ATP9A: variants seen among roughly 807,000 people sequenced by gnomAD.
ATP9A encodes ATPase phospholipid transporting 9A, also known as probable phospholipid-transporting ATPase IIA.
ATP9A carries 52 observed loss-of-function variants against 144.1 expected under a neutral mutation model. The ratio of observed to expected loss-of-function variants is 0.36; its 90% CI spans 0.29 to 0.45. The LOEUF is 0.45. Among genes scored for constraint, ATP9A ranks in the 20% least tolerant of loss-of-function variants. ATP9A has a pLI of 1.00. For missense variants in ATP9A, 947 were observed against 1,392.7 expected, an observed-to-expected ratio of 0.68 and a Z score of 5.09; for synonymous variants, 582 against 557.4, an observed-to-expected ratio of 1.04 and a Z score of -0.62.
At chr20:51,753,110 AAAAG>A (rs767347937) in intron 1 of ATP9A, among the ~76,000 whole-genome samples, 164 of 152,236 alleles carry the variant, frequency 1.1e-3, no homozygotes, top group African/African-American at 3.5e-3. Context: ...CTCAAAAAAA[AAAAG>A]AAAGAAAGAA....
intron 4 of ATP9A, among the ~76,000 whole-genome samples, chr20:51,709,124 TAAGTA>T (rs2077626781): frequency 6.6e-6 from 1 of 152,220 alleles, no homozygotes; most frequent in Non-Finnish European, 1.5e-5. Context: ...ATTAAGCACT[TAAGTA>T]TTTAGGCACA....
intron 1 of ATP9A, among the ~76,000 whole-genome samples, chr20:51,730,235 G>A (rs949209784): frequency 1.3e-5 from 2 of 152,140 alleles, no homozygotes; most frequent in Non-Finnish European, 2.9e-5. Context: ...TTGGGAGGCC[G>A]AGGTGGGCAG....
intron 1 of ATP9A, among the ~76,000 whole-genome samples, chr20:51,740,181 C>T (rs903886929): frequency 2.0e-5 from 3 of 151,872 alleles, no homozygotes; most frequent in African/African-American, 7.3e-5. Flanking sequence ...CTCAGCCTCC[C>T]GAGTAGCTGG....
At chr20:51,745,231 C>T (rs568793394) in intron 1 of ATP9A, among the ~76,000 whole-genome samples, 25 of 149,056 alleles carry the variant, frequency 1.7e-4, no homozygotes, top group Admixed American at 2.7e-4. Context: ...CATGCCACTG[C>T]ACTCCAGCCT....
chr20:51,767,611 G>C (rs530413495), intron 1 of ATP9A, among the ~76,000 whole-genome samples: 84 of 152,368 alleles, frequency 5.5e-4, no homozygotes, highest in African/African-American at 1.9e-3. Flanking sequence ...GAAGGGCACA[G>C]CAGGTGGCAG....
At chr20:51,759,470 C>T (rs2077870052) in intron 1 of ATP9A, among the ~76,000 whole-genome samples, 1 of 152,264 alleles carries the variant, frequency 6.6e-6, no homozygotes, top group East Asian at 1.9e-4. Flanking sequence ...GTCAGGAGTT[C>T]GAAACCAGCA....
chr20:51,638,074 T>TATATAC (rs2077301281), intron 15 of ATP9A, among the ~76,000 whole-genome samples: 1 of 10,170 alleles, frequency 9.8e-5, no homozygotes, highest in Non-Finnish European at 2.0e-4. Flanking sequence ...CATCATTTTA[T>TATATAC]ATATATATAT....
In ATP9A at chr20:51,598,027, C is replaced by T. The variant is rs975038319; in HGVS notation, c.*3184G>A. On this transcript the variant is annotated 3_prime_UTR_variant, in exon 28 of 28. Coordinates refer to ENST00000338821, the MANE Select transcript of ATP9A (RefSeq NM_006045.3). ...ACTTTAAGATGCGCCCTTGGGATGCCTTCCAAGCAGCTGGAGTTAGTGCCA... is the reference window on the plus strand; with the variant it reads ...ACTTTAAGATGCGCCCTTGGGATGCTTTCCAAGCAGCTGGAGTTAGTGCCA... The T allele has an allele frequency of 1.3e-5, 2 of 152,012 alleles. No homozygotes were observed. Among genetic ancestry groups the T allele is most frequent in the African/African-American group, 4.8e-5 (2 of 41,384 alleles). 9.4% of individuals were successfully genotyped at this position (152,012 alleles called of 1,614,324 possible).
At chr20:51,631,241 C>T (rs2077268588) in intron 15 of ATP9A, among the ~76,000 whole-genome samples, 1 of 152,118 alleles carries the variant, frequency 6.6e-6, no homozygotes, top group African/African-American at 2.4e-5. Context: ...TTTAGAACAA[C>T]ATGCTGACTC....
intron 2 of ATP9A, 31 bp downstream of exon 2, chr20:51,729,803 A>G: frequency 1.3e-6 from 2 of 1,522,758 alleles, no homozygotes; most frequent in East Asian, 4.7e-5. Flanking sequence ...GATGGAAAAA[A>G]GAAAAGAGCA....
chr20:51,637,867 G>A (rs1233728858), intron 15 of ATP9A, among the ~76,000 whole-genome samples: 1 of 150,782 alleles, frequency 6.6e-6, no homozygotes, highest in Non-Finnish European at 1.5e-5. Flanking sequence ...CACCCTTTCA[G>A]CCCCCTGACT....
chr20:51,694,592 G>A (rs921503903), intron 6 of ATP9A, among the ~76,000 whole-genome samples: 6 of 152,146 alleles, frequency 3.9e-5, no homozygotes, highest in Non-Finnish European at 7.4e-5. Context: ...GTGTAAAAGT[G>A]GAGATAGGAA....
intron 18 of ATP9A, among the ~76,000 whole-genome samples, chr20:51,623,787 C>CAAAAAAAA (rs746253035): frequency 1.4e-5 from 1 of 72,146 alleles, no homozygotes. Context: ...AACTCTGTCT[C>CAAAAAAAA]AAAAAAAAAA....
intron 15 of ATP9A, among the ~76,000 whole-genome samples, chr20:51,635,580 G>C (rs1403973718): frequency 6.6e-6 from 1 of 151,528 alleles, no homozygotes; most frequent in African/African-American, 2.4e-5. Flanking sequence ...TTCACTAAAC[G>C]ATAAGAATTA....
chr20:51,657,955 C>T (rs192873388), intron 13 of ATP9A, among the ~76,000 whole-genome samples: 135 of 152,370 alleles, frequency 8.9e-4, no homozygotes, highest in African/African-American at 3.1e-3. Flanking sequence ...TGGCATACAA[C>T]TGGCCTTCTC....
At chr20:51,763,904 A>G (rs2077893122) in intron 1 of ATP9A, among the ~76,000 whole-genome samples, 2 of 152,272 alleles carry the variant, frequency 1.3e-5, no homozygotes, top group Admixed American at 1.3e-4. Context: ...CCTGGACAGA[A>G]TGCTCTACAT....
intron 4 of ATP9A, among the ~76,000 whole-genome samples, chr20:51,705,189 T>C (rs2077610090): frequency 6.6e-6 from 1 of 152,216 alleles, no homozygotes; most frequent in Non-Finnish European, 1.5e-5. Flanking sequence ...TTATTATACC[T>C]TCTGATTAAC....
intron 14 of ATP9A, among the ~76,000 whole-genome samples, chr20:51,641,831 CAAAA>C (rs1218133688): frequency 5.5e-4 from 44 of 79,682 alleles, no homozygotes; most frequent in African/African-American, 1.8e-3. Flanking sequence ...AACTCCATCT[CAAAA>C]AAAAAAAAAA....
At chr20:51,762,394 G>A (rs1340100405) in intron 1 of ATP9A, among the ~76,000 whole-genome samples, 2 of 151,962 alleles carry the variant, frequency 1.3e-5, no homozygotes, top group Admixed American at 6.6e-5. Context: ...TACTCCGGAG[G>A]CTGGGGCAGG....
Sources: gnomAD v4.1 joint callset for allele counts (sites outside exome capture counted in the v4.1 genomes callset) on GRCh38, gnomAD v4.1.1 for gene constraint, MANE v1.5 for transcripts, NCBI Gene and HGNC (gene_info 2026-07-23, HGNC 2026-07-21) for gene names.